ZNF704: variants seen among roughly 807,000 people sequenced by gnomAD.
ZNF704 encodes the protein glucocorticoid induced gene 1.
A neutral mutation model predicts 44.7 loss-of-function variants in ZNF704; 10 were observed. The ratio of observed to expected loss-of-function variants is 0.22; its 90% CI spans 0.14 to 0.38. The LOEUF (loss-of-function observed/expected upper bound fraction) is 0.38, where lower values mean the gene tolerates loss of function less well. ZNF704 is among the 10% of genes least tolerant of loss of function. The pLI is 1.00. For missense variants in ZNF704, 390 were observed against 545.5 expected (o/e 0.71, Z 2.84); for synonymous variants, 211 against 207.6 (o/e 1.02, Z -0.14).
chr8:80,784,183 T>C (rs545746375), intron 2 of ZNF704, among the ~76,000 whole-genome samples: 1 of 152,350 alleles, frequency 6.6e-6, no homozygotes, highest in Non-Finnish European at 1.5e-5. Context: ...AAGGACGTCA[T>C]TGCTTCCAAG....
intron 1 of ZNF704, among the ~76,000 whole-genome samples, chr8:80,854,305 A>T (rs572669462): frequency 6.6e-6 from 1 of 152,174 alleles, no homozygotes; most frequent in African/African-American, 2.4e-5. Context: ...TTCCAGTTCT[A>T]TATTTTTCTC....
Position 80,634,567 on chromosome 8 carries a change from A to G in ZNF704, c.*6799T>C, listed in dbSNP as rs1175616729. On this transcript the variant is annotated 3_prime_UTR_variant, in exon 9 of 9. Coordinates refer to ENST00000327835, the MANE Select transcript of ZNF704 (RefSeq NM_001033723.3). The stretch of plus-strand genomic sequence containing the variant: ...GAGTTTGAGTTAGTTGTCAACACTT[A>G]CGTGTCAGGTAATATCATACTTCCA... 6.6e-6 allele frequency: 1 copy of G among 152,258 alleles called. No individual in the cohort carries two copies. Among genetic ancestry groups the G allele is most frequent in the Non-Finnish European group, 1.5e-5 (1 of 68,076 alleles). The allele number at this position is 152,258 out of a possible 1,614,324, so 9.4% of individuals were successfully genotyped here.
rs760093828 is a variant in ZNF704 at position 80,688,156 on chromosome 8, T to C, written c.326-698A>G. On this transcript the variant is annotated intron_variant, in intron 3 of 8. Coordinates refer to ENST00000327835, the MANE Select transcript of ZNF704 (RefSeq NM_001033723.3). Reference sequence around the variant, plus strand: ...CCAGGGGTTTGAGGCTGCAGTGAGCTATGACTGGGTCACTGCACTCTAGCC... The same window carrying C: ...CCAGGGGTTTGAGGCTGCAGTGAGCCATGACTGGGTCACTGCACTCTAGCC... Among the ~76,000 whole-genome samples the C allele has an allele frequency of 7.0e-4, 106 of 151,804 alleles. 2 individuals carry two copies. Among genetic ancestry groups the C allele is most frequent in the Admixed American group, 1.3e-3 (20 of 15,252 alleles).
intron 2 of ZNF704, among the ~76,000 whole-genome samples, chr8:80,720,769 C>T (rs542098935): frequency 6.6e-6 from 1 of 152,330 alleles, no homozygotes; most frequent in Non-Finnish European, 1.5e-5. Flanking sequence ...CAGAAGCGGA[C>T]CAAAGCCCCA....
chr8:80,731,020 C>CT (rs1175642301), intron 2 of ZNF704, among the ~76,000 whole-genome samples: 4 of 152,174 alleles, frequency 2.6e-5, no homozygotes, highest in Non-Finnish European at 5.9e-5. Context: ...AACCACCCGT[C>CT]TAAGAGATAA....
At chr8:80,671,498 G>C (rs1818277527) in intron 4 of ZNF704, among the ~76,000 whole-genome samples, 2 of 152,172 alleles carry the variant, frequency 1.3e-5, no homozygotes, top group Admixed American at 1.3e-4. Flanking sequence ...TCATGGAAGT[G>C]AATCAGTTAG....
intron 2 of ZNF704, among the ~76,000 whole-genome samples, chr8:80,705,181 GC>G (rs1465009246): frequency 3.9e-4 from 59 of 152,286 alleles, no homozygotes; most frequent in African/African-American, 1.4e-3. Flanking sequence ...ATTCTCAAGA[GC>G]TCCCTTCTGG....
In ZNF704 at chr8:80,787,340, T is replaced by C. The variant is rs1807631656; in HGVS notation, c.221+34034A>G. Among the ~76,000 whole-genome samples the C allele has an allele frequency of 2.0e-5, 3 of 152,316 alleles. No individual in the cohort carries two copies. In the South Asian group the frequency reaches 6.2e-4, roughly 32 times the overall value. On this transcript the variant is annotated intron_variant, in intron 2 of 8. Coordinates refer to ENST00000327835, the MANE Select transcript of ZNF704 (RefSeq NM_001033723.3). ...CATCTACATGTGCGTGCACACACAC[T>C]CACCTTAAAGGTCTAATCATGTCAC...
chr8:80,712,886 G>A (rs1196232751), intron 2 of ZNF704, among the ~76,000 whole-genome samples: 1 of 151,600 alleles, frequency 6.6e-6, no homozygotes, highest in Admixed American at 6.6e-5. Flanking sequence ...TTGTTTGTTT[G>A]TTTGTTTTGG....
rs759312927 is a variant in ZNF704 at position 80,687,311 on chromosome 8, C to T, written c.473G>A (p.Arg158His). ...GCCGTCGTCTGGCTGCGCGGGGCTG[C>T]GGAAGGGCTTGAAGCTGTCAGCCGA... Reference protein sequence around the residue: ...PLSADSFKPFRSPAQPDDGID... With the variant: ...PLSADSFKPFHSPAQPDDGID... Residue 158 changes from arginine (R) to histidine (H), a missense_variant, in exon 4 of 9, where the codon CGC (arginine) becomes CAC (histidine). Arg to His is a conservative substitution (Grantham distance 29). Coordinates refer to ENST00000327835, the MANE Select transcript of ZNF704 (RefSeq NM_001033723.3). 6.2e-6 allele frequency: 10 copies of T among 1,612,558 alleles called. No individual in the cohort carries two copies. Among genetic ancestry groups the T allele is most frequent in the Admixed American group, 1.7e-5 (1 of 60,000 alleles).
At chr8:80,696,381 C>T (rs1818724720) in intron 2 of ZNF704, among the ~76,000 whole-genome samples, 1 of 152,094 alleles carries the variant, frequency 6.6e-6, no homozygotes, top group South Asian at 2.1e-4. Flanking sequence ...ATTCCTTATC[C>T]AGAATGTTTG....
Position 80,687,292 on chromosome 8 carries a change from G to A in ZNF704, c.492C>T (p.Asp164=), listed in dbSNP as rs1818554526. Residue 164 remains aspartate (D), a synonymous_variant, in exon 4 of 9, where the codon GAC becomes GAT. Transcript: ENST00000327835. ...FKPFRSPAQP[D]DGIDEAEASN... is the part of the protein sequence containing the mutation. ...TGGCCTCCGCCTCGTCGATGCCGTC[G>A]TCTGGCTGCGCGGGGCTGCGGAAGG... 2.5e-6 allele frequency: 4 copies of A among 1,612,994 alleles called. No individual in the cohort carries two copies. Among genetic ancestry groups the A allele is most frequent in the Admixed American group, 1.7e-5 (1 of 60,008 alleles).
chr8:80,696,149 A>T (rs1818721214), intron 2 of ZNF704, among the ~76,000 whole-genome samples: 1 of 152,218 alleles, frequency 6.6e-6, no homozygotes, highest in East Asian at 1.9e-4. Context: ...CTTTGAGAAA[A>T]CTGCTGCAAA....
intron 2 of ZNF704, among the ~76,000 whole-genome samples, chr8:80,708,229 T>C (rs969925175): frequency 7.2e-5 from 11 of 152,154 alleles, no homozygotes; most frequent in Admixed American, 2.6e-4. Context: ...GGCTGGACAA[T>C]TGCACACCTA....
At chr8:80,782,701 A>G (rs1489573570) in intron 2 of ZNF704, among the ~76,000 whole-genome samples, 1 of 152,206 alleles carries the variant, frequency 6.6e-6, no homozygotes, top group Non-Finnish European at 1.5e-5. Context: ...GGTTTCATTA[A>G]GGACATCTGA....
chr8:80,873,931 C>A (rs987387591), intron 1 of ZNF704, among the ~76,000 whole-genome samples: 16 of 146,566 alleles, frequency 1.1e-4, no homozygotes, highest in African/African-American at 3.7e-4. Context: ...GGGGCGGGAG[C>A]CCGGGTAGGG....
chr8:80,806,586 C>T (rs1383352340), intron 2 of ZNF704, among the ~76,000 whole-genome samples: 1 of 152,152 alleles, frequency 6.6e-6, no homozygotes, highest in Non-Finnish European at 1.5e-5. Context: ...CTGCTACAGG[C>T]TCAGAATAAC....
chr8:80,839,362 T>C (rs1297615933), intron 1 of ZNF704, among the ~76,000 whole-genome samples: 1 of 152,242 alleles, frequency 6.6e-6, no homozygotes, highest in African/African-American at 2.4e-5. Context: ...CAATTTATCA[T>C]TCCTTTGGGC....
chr8:80,882,106 T>C, the ZNF704 span, among the ~76,000 whole-genome samples: 25 of 152,318 alleles, frequency 1.6e-4, no homozygotes, highest in African/African-American at 5.5e-4. Flanking sequence ...AAGTATTATA[T>C]ACCTTTTGGA....
Sources: allele counts gnomAD v4.1 joint callset (sites outside exome capture counted in the v4.1 genomes callset), GRCh38; gene constraint gnomAD v4.1.1; transcripts MANE v1.5; gene names NCBI Gene and HGNC (gene_info 2026-07-23, HGNC 2026-07-21).